Variants in RANBP9 observed in about 807,000 individuals in gnomAD.
RANBP9 encodes the protein RAN binding protein 9, also known as ran-binding protein 9.
Under a neutral mutation model 84.3 loss-of-function variants are expected in RANBP9, and 15 were observed. The ratio of observed to expected loss-of-function variants is 0.18; its 90% CI spans 0.12 to 0.27. The LOEUF is 0.27. RANBP9 is among the 10% of genes least tolerant of loss of function. The pLI is 1.00. For synonymous variants in RANBP9, 392 were observed against 349.6 expected (o/e 1.12, Z -1.35); for missense variants, 809 against 912.8 (o/e 0.89, Z 1.46).
intron 6 of RANBP9, among the ~76,000 whole-genome samples, chr6:13,643,979 G>T (rs946473826): frequency 1.3e-5 from 2 of 152,140 alleles, no homozygotes; most frequent in African/African-American, 4.8e-5. Flanking sequence ...GATGAAATGT[G>T]TTGGACCAAC....
chr6:13,625,186 TGTTCTTAAC>T (rs1467361566), intron 13 of RANBP9, among the ~76,000 whole-genome samples: 1 of 152,206 alleles, frequency 6.6e-6, no homozygotes, highest in Non-Finnish European at 1.5e-5. Flanking sequence ...TATTAATCTA[TGTTCTTAAC>T]GTTCTCCGAT....
intron 2 of RANBP9, among the ~76,000 whole-genome samples, chr6:13,673,259 G>A (rs1040854619): frequency 6.6e-6 from 1 of 152,012 alleles, no homozygotes; most frequent in Non-Finnish European, 1.5e-5. Context: ...TTTAAGTGTT[G>A]GGAAAAAACC....
chr6:13,689,046 G>T (rs1452820170), intron 2 of RANBP9, among the ~76,000 whole-genome samples: 1 of 147,870 alleles, frequency 6.8e-6, no homozygotes, highest in African/African-American at 2.5e-5. Flanking sequence ...CAGCTACCTG[G>T]GAGGCTAAGC....
chr6:13,663,414 T>A (rs887422383), intron 2 of RANBP9, among the ~76,000 whole-genome samples: 1 of 151,998 alleles, frequency 6.6e-6, no homozygotes. Context: ...AACCTACACT[T>A]AAAAAAATGC....
intron 8 of RANBP9, 120 bp from the exon 9 acceptor site, chr6:13,639,873 A>G: frequency 2.4e-6 from 2 of 845,508 alleles, no homozygotes; most frequent in South Asian, 3.8e-5. Context: ...GGTCTTTAGT[A>G]AGCTAAAAAT....
intron 5 of RANBP9, among the ~76,000 whole-genome samples, chr6:13,647,879 G>C (rs1216857955): frequency 6.6e-6 from 1 of 152,062 alleles, no homozygotes. Flanking sequence ...TAAGGACATA[G>C]TCCTTAACTT....
chr6:13,700,761 G>A (rs376152415), intron 1 of RANBP9, among the ~76,000 whole-genome samples: 64 of 152,254 alleles, frequency 4.2e-4, no homozygotes, highest in South Asian at 1.4e-3. Flanking sequence ...GTCTAAAGCT[G>A]CAACAGACCA....
At chr6:13,647,762 TA>T (rs918664405) in intron 5 of RANBP9, among the ~76,000 whole-genome samples, 1 of 152,142 alleles carries the variant, frequency 6.6e-6, no homozygotes, top group African/African-American at 2.4e-5. Context: ...TGATATTGAT[TA>T]AAAAAACTTT....
intron 1 of RANBP9, among the ~76,000 whole-genome samples, chr6:13,705,451 T>C (rs924422650): frequency 1.3e-5 from 2 of 149,880 alleles, no homozygotes; most frequent in African/African-American, 2.5e-5. Flanking sequence ...TACATTATTA[T>C]TGTCTACTGT....
At chr6:13,698,169 G>A (rs937706415) in intron 1 of RANBP9, among the ~76,000 whole-genome samples, 4 of 151,838 alleles carry the variant, frequency 2.6e-5, no homozygotes, top group African/African-American at 4.9e-5. Flanking sequence ...ACAAAAAAAT[G>A]GAATGAATTC....
At position 13,711,795 on chromosome 6, in the gene RANBP9, C is replaced by T. The variant is rs1301791380; in HGVS notation, c.-290G>A. ...GACGCGGGAGCGCGGGAGGGGAAGG[C>T]GCGCTGGCGGCCGCCGCGGCCGCTG... On this transcript the variant is annotated 5_prime_UTR_variant, in exon 1 of 14. Transcript: ENST00000011619. Among the ~76,000 whole-genome samples the T allele has an allele frequency of 2.1e-5, 3 of 145,830 alleles. No individual in the cohort carries two copies. Among genetic ancestry groups the T allele is most frequent in the Non-Finnish European group, 4.6e-5 (3 of 65,636 alleles).
chr6:13,624,873 G>T (rs116133828), intron 13 of RANBP9, among the ~76,000 whole-genome samples: 19 of 152,076 alleles, frequency 1.2e-4, no homozygotes, highest in African/African-American at 4.1e-4. Context: ...TGATCCTGCC[G>T]GGTACTCACA....
intron 8 of RANBP9, among the ~76,000 whole-genome samples, chr6:13,640,011 C>A (rs985111088): frequency 3.9e-5 from 6 of 152,042 alleles, no homozygotes; most frequent in Non-Finnish European, 8.8e-5. Context: ...GGAAATTTAC[C>A]TATAAGAAGA....
chr6:13,709,282 A>C (rs112289012), intron 1 of RANBP9, among the ~76,000 whole-genome samples: 3,287 of 152,340 alleles, frequency 0.022, 125 homozygotes, highest in African/African-American at 0.075. Context: ...AGCTCAACTT[A>C]CACACCACTC....
intron 2 of RANBP9, among the ~76,000 whole-genome samples, chr6:13,659,421 A>C (rs911065258): frequency 1.3e-5 from 2 of 152,168 alleles, no homozygotes; most frequent in African/African-American, 4.8e-5. Context: ...AAATCTACCT[A>C]AACAGAGGGT....
chr6:13,703,896 T>C (rs1041862222), intron 1 of RANBP9, among the ~76,000 whole-genome samples: 1 of 152,204 alleles, frequency 6.6e-6, no homozygotes, highest in Non-Finnish European at 1.5e-5. Context: ...GAGATTCCCA[T>C]TTTTACTTAT....
chr6:13,641,033 CA>C (rs1207325092), intron 8 of RANBP9, among the ~76,000 whole-genome samples, 165 bp downstream of exon 8: 1 of 151,838 alleles, frequency 6.6e-6, no homozygotes, highest in Non-Finnish European at 1.5e-5. Flanking sequence ...GTCCTTAACA[CA>C]AAAGTATTTT....
chr6:13,654,396 G>A (rs180694714), intron 4 of RANBP9, among the ~76,000 whole-genome samples: 99 of 152,172 alleles, frequency 6.5e-4, no homozygotes, highest in African/African-American at 2.3e-3. Flanking sequence ...CCTATATACT[G>A]CAAAGTTTCT....
chr6:13,634,160 A>G (rs1277817106), intron 11 of RANBP9, among the ~76,000 whole-genome samples: 4 of 152,210 alleles, frequency 2.6e-5, no homozygotes, highest in Admixed American at 6.5e-5. Flanking sequence ...GAGGCTCAAC[A>G]CCAGTAAGTC....
Sources: allele counts gnomAD v4.1 joint callset (sites outside exome capture counted in the v4.1 genomes callset), GRCh38; gene constraint gnomAD v4.1.1; transcripts MANE v1.5; gene names NCBI Gene and HGNC (gene_info 2026-07-23, HGNC 2026-07-21).